STAT4: variants seen among roughly 807,000 people sequenced by gnomAD.
STAT4 encodes signal transducer and activator of transcription 4.
Under a neutral mutation model 110.5 loss-of-function variants are expected in STAT4, and 42 were observed. That is an observed-to-expected ratio of 0.38 (90% CI 0.30 to 0.49). STAT4 has a LOEUF of 0.49. Among genes scored for constraint, STAT4 ranks in the 20% least tolerant of loss-of-function variants. The pLI, the probability that STAT4 is intolerant of heterozygous loss-of-function variation, is 0.95. For synonymous variants in STAT4, 284 were observed against 302.2 expected, an observed-to-expected ratio of 0.94 and a Z score of 0.63; for missense variants, 632 against 887.9, an observed-to-expected ratio of 0.71 and a Z score of 3.66.
At chr2:191,093,136 G>C (rs1349157029) in intron 3 of STAT4, among the ~76,000 whole-genome samples, 1 of 152,226 alleles carries the variant, frequency 6.6e-6, no homozygotes, top group Non-Finnish European at 1.5e-5. Flanking sequence ...TGAACAAAAG[G>C]CAGCAGAAAC....
chr2:191,131,995 C>A, intron 3 of STAT4: 1 of 1,227,574 alleles, frequency 8.1e-7, no homozygotes, highest in South Asian at 3.8e-5. Context: ...CAGCATGAAA[C>A]ACGCCATTCA....
chr2:191,067,696 C>CATGG (rs1311389935), intron 6 of STAT4, among the ~76,000 whole-genome samples: 1 of 152,170 alleles, frequency 6.6e-6, no homozygotes, highest in Admixed American at 6.5e-5. Flanking sequence ...CCATGCTGTG[C>CATGG]ATGTTAAATT....
Position 191,030,947 on chromosome 2 carries a change from G to T in STAT4, c.2220+25C>A, listed in dbSNP as rs1228020221. The T allele has an allele frequency of 6.3e-7, 1 of 1,599,816 alleles. No individual in the cohort carries two copies. The highest frequency in any genetic ancestry group is 8.6e-7 in the Non-Finnish European group (1 of 1,167,314). ...GCATCGTTGGAAACACCTTTGACCA[G>T]CAATGGAAAATAAAGGGAACATACT... On this transcript the variant is annotated intron_variant, in intron 23 of 23. Transcript: ENST00000392320. The surrounding 1 kb of genome is among the most constrained non-coding windows in gnomAD (Gnocchi z 4.4).
chr2:191,062,770 A>C lies in STAT4; in HGVS notation c.933T>G (p.Leu311=). 6.2e-7 allele frequency: 1 copy of C among 1,613,514 alleles called. No individual in the cohort carries two copies. The highest frequency in any genetic ancestry group is 2.2e-5 in the East Asian group (1 of 44,790). The part of the protein sequence containing the change: ...LERVTFLIYN[L]FKNSFVVERQ... The stretch of plus-strand genomic sequence containing the variant: ...GATAGCACTTCACTTACTTCTTGAA[A>C]AGGTTGTAGATCAAGAAGGTGACTC... Residue 311 remains leucine, a synonymous_variant, in exon 9 of 24, where the codon CTT becomes CTG. Transcript: ENST00000392320. This position sits in a 1 kb window ranked among gnomAD's most constrained non-coding sequence, Gnocchi z 4.9.
intron 3 of STAT4, among the ~76,000 whole-genome samples, chr2:191,127,130 A>C (rs988964565): frequency 3.9e-5 from 6 of 152,212 alleles, no homozygotes; most frequent in East Asian, 1.9e-4. Context: ...GAAAAAAAAA[A>C]CCAAAAAAAC....
At chr2:191,071,727 T>C (rs1165521914) in intron 5 of STAT4, among the ~76,000 whole-genome samples, 2 of 152,216 alleles carry the variant, frequency 1.3e-5, no homozygotes, top group Non-Finnish European at 2.9e-5. Flanking sequence ...GGGAATTACA[T>C]TGATTGAAAA....
intron 3 of STAT4, among the ~76,000 whole-genome samples, chr2:191,094,792 T>C (rs1697915229): frequency 6.6e-6 from 1 of 151,898 alleles, no homozygotes. Context: ...AGACACAGAC[T>C]GGCAAATTGG....
chr2:191,052,620 A>G (rs1696561210), intron 14 of STAT4, among the ~76,000 whole-genome samples: 1 of 152,174 alleles, frequency 6.6e-6, no homozygotes, highest in Non-Finnish European at 1.5e-5. Flanking sequence ...ATATACTACA[A>G]GAGTTGAGCT....
At chr2:191,149,936 T>G (rs565131852) in intron 1 of STAT4, among the ~76,000 whole-genome samples, 1 of 152,280 alleles carries the variant, frequency 6.6e-6, no homozygotes, top group African/African-American at 2.4e-5. Flanking sequence ...GCTGTAACAC[T>G]AGGATGAATA....
chr2:191,038,447 C>A (rs117341958), intron 16 of STAT4, among the ~76,000 whole-genome samples: 1 of 152,176 alleles, frequency 6.6e-6, no homozygotes, highest in African/African-American at 2.4e-5. Context: ...TAGAAGAATT[C>A]TTCCCTTTGG....
intron 1 of STAT4, among the ~76,000 whole-genome samples, chr2:191,148,472 A>G (rs1473658301): frequency 6.6e-6 from 1 of 151,996 alleles, no homozygotes; most frequent in East Asian, 1.9e-4. Flanking sequence ...TCTGCCAAAC[A>G]CCCCACATCC....
rs778746717 is a variant in STAT4 at position 191,064,799 on chromosome 2, C to A, written c.782+8G>T. ...TTTTCACTAGAAACTGCAGTCGATTCGTTTTACCAGTTCTGAAGCTGGTCG... is the reference window on the plus strand; with the variant it reads ...TTTTCACTAGAAACTGCAGTCGATTAGTTTTACCAGTTCTGAAGCTGGTCG... On this transcript the variant is annotated splice_region_variant and intron_variant, in intron 8 of 23. Transcript: ENST00000392320. 2 of 1,603,750 alleles carry A rather than the reference C, an allele frequency of 1.2e-6. No individual in the cohort carries two copies. The highest frequency in any genetic ancestry group is 1.3e-5 in the African/African-American group (1 of 74,170).
At position 191,032,126 on chromosome 2, in the gene STAT4, C is replaced by T. The variant is rs952631831; in HGVS notation, c.2045-610G>A. On this transcript the variant is annotated intron_variant, in intron 21 of 23. Coordinates refer to ENST00000392320, the MANE Select transcript of STAT4 (RefSeq NM_003151.4). This position sits in a 1 kb window ranked among gnomAD's most constrained non-coding sequence, Gnocchi z 4.9. ...GTTGTTGAAAGTCACTGAAAAGCCA[C>T]AGGTTTGTTTGATTTTATTTTCTTT... The T allele has an allele frequency of 6.6e-6, 1 of 152,184 alleles. No individual in the cohort carries two copies. The highest frequency in any genetic ancestry group is 2.4e-5 in the African/African-American group (1 of 41,438). 9.4% of individuals were successfully genotyped at this position (152,184 alleles called of 1,614,324 possible).
chr2:191,064,350 T>C (rs910884303), intron 8 of STAT4, among the ~76,000 whole-genome samples: 9 of 152,214 alleles, frequency 5.9e-5, no homozygotes, highest in African/African-American at 1.9e-4. Context: ...GTCACCATGA[T>C]GTACAATGGA....
intron 3 of STAT4, among the ~76,000 whole-genome samples, chr2:191,085,709 G>T (rs545188800): frequency 6.6e-6 from 1 of 152,260 alleles, no homozygotes; most frequent in Admixed American, 6.5e-5. Flanking sequence ...GCAGGTTTCT[G>T]ATAACTTTGG....
chr2:191,041,235 T>A, intron 14 of STAT4, 87 bp from the exon 15 acceptor site: 2 of 558,654 alleles, frequency 3.6e-6, no homozygotes, highest in Non-Finnish European at 5.2e-6. Flanking sequence ...TTAATATATT[T>A]ATTAATAAAT....
In STAT4 at chr2:191,053,659, A is replaced by G. The variant is rs1696594077; in HGVS notation, c.1251+831T>C. 6.6e-6 allele frequency among the ~76,000 whole-genome samples: 1 copy of G among 152,216 alleles called. No individual in the cohort carries two copies. The highest frequency in any genetic ancestry group is 2.4e-5 in the African/African-American group (1 of 41,466). ...AATAGGGTTGTTTTTTACCCCACAT[A>G]TCATAATTTTTCAGCCTGACTTCAT... On this transcript the variant is annotated intron_variant, in intron 14 of 23. Transcript: ENST00000392320. The surrounding 1 kb of genome is among the most constrained non-coding windows in gnomAD (Gnocchi z 4.5).
At chr2:191,124,541 CAA>C (rs1698826252) in intron 3 of STAT4, among the ~76,000 whole-genome samples, 1 of 151,238 alleles carries the variant, frequency 6.6e-6, no homozygotes, top group Non-Finnish European at 1.5e-5. Flanking sequence ...TGAATGCACT[CAA>C]AGAGCTCACA....
intron 3 of STAT4, among the ~76,000 whole-genome samples, chr2:191,109,671 C>A (rs147458580): frequency 1.7e-3 from 253 of 152,184 alleles, no homozygotes; most frequent in African/African-American, 5.7e-3. Context: ...TTTTAATGAT[C>A]CTTCCTTAAT....
Sources: gnomAD v4.1 joint callset for allele counts (sites outside exome capture counted in the v4.1 genomes callset) on GRCh38, gnomAD v4.1.1 for gene constraint, Gnocchi (gnomAD v3.1) non-coding constraint, MANE v1.5 for transcripts, NCBI Gene and HGNC (gene_info 2026-07-23, HGNC 2026-07-21) for gene names.